SGO2: variants seen among roughly 807,000 people sequenced by gnomAD.
SGO2 encodes the protein shugoshin 2.
In SGO2, 68 loss-of-function variants were observed where a neutral mutation model predicts 99.5. The ratio of observed to expected loss-of-function variants is 0.68; its 90% CI spans 0.56 to 0.84. The LOEUF (loss-of-function observed/expected upper bound fraction) is 0.84. SGO2 is among the 40% of genes least tolerant of loss of function. The pLI, the probability that SGO2 is intolerant of heterozygous loss-of-function variation, is 0.00. For missense variants in SGO2, 1,350 were observed against 1,436.7 expected (o/e 0.94, Z 0.97); for synonymous variants, 457 against 487.1 (o/e 0.94, Z 0.81).
At chr2:200,560,570 T>G (rs2032900090) in intron 5 of SGO2, among the ~76,000 whole-genome samples, 1 of 152,162 alleles carries the variant, frequency 6.6e-6, no homozygotes, top group Non-Finnish European at 1.5e-5. Context: ...ATACAGTGAC[T>G]TCAGTGGATT....
intron 1 of SGO2, among the ~76,000 whole-genome samples, chr2:200,527,076 A>T (rs941808736): frequency 7.9e-5 from 12 of 152,194 alleles, no homozygotes; most frequent in Non-Finnish European, 1.8e-4. Context: ...ATAATGTCTC[A>T]GTGTCTATAT....
rs560233004 is a variant in SGO2, at chr2:200,546,336, G to A, written c.473+3672G>A. 1.1e-4 allele frequency among the ~76,000 whole-genome samples: 13 copies of A among 120,600 alleles called. No homozygotes were observed. The Admixed American group carries it at 1.3e-3, about 12-fold the overall frequency. The allele number at this position is 120,600 out of a possible 152,430, so 79.1% of individuals were successfully genotyped here. A position where few individuals can be genotyped will look rare whatever the true frequency, so the allele number is the denominator to read the frequency against. On this transcript the variant is annotated intron_variant, in intron 5 of 8. Transcript: ENST00000357799. ...CCACTGCACTCCAGCCTGGGCTATC[G>A]AGCGAGACTCCATCTGGAAAAAAAA...
chr2:200,541,953 TTC>T (rs1442114746), intron 4 of SGO2, among the ~76,000 whole-genome samples: 2 of 152,248 alleles, frequency 1.3e-5, no homozygotes, highest in African/African-American at 4.8e-5. Flanking sequence ...CCTAACTTTT[TTC>T]TTTTTCAAAG....
rs1451374500 is a variant in SGO2, at chr2:200,570,480, G to GTGTGTA, written c.704-565_704-564insATGTGT. ...AGAATTGTTTTTCCTTTCTGAAAAT[G>GTGTGTA]TGTGTGTGTGTGTGTGTGTGTGTGT... On this transcript the variant is annotated intron_variant, in intron 6 of 8. Coordinates refer to ENST00000357799, the MANE Select transcript of SGO2 (RefSeq NM_152524.6). This position sits in a 1 kb window ranked among gnomAD's most constrained non-coding sequence, Gnocchi z 4.4. 7.9e-4 allele frequency among the ~76,000 whole-genome samples: 107 copies of GTGTGTA among 135,360 alleles called. No homozygotes were observed. The highest frequency in any genetic ancestry group is 1.3e-3 in the Non-Finnish European group (86 of 64,788). 88.8% of individuals were successfully genotyped at this position (135,360 alleles called of 152,430 possible). A position where few individuals can be genotyped will look rare whatever the true frequency, so the allele number is the denominator to read the frequency against.
At chr2:200,528,433 T>C (rs1478597327) in intron 1 of SGO2, among the ~76,000 whole-genome samples, 1 of 152,150 alleles carries the variant, frequency 6.6e-6, no homozygotes, top group African/African-American at 2.4e-5. Context: ...GTCAGCATAA[T>C]TGATCATAGA....
intron 1 of SGO2, chr2:200,532,265 G>GTTTTTTTTTTTT (rs199785070): frequency 2.3e-6 from 1 of 443,800 alleles, no homozygotes; most frequent in African/African-American, 3.2e-5. Context: ...AGGTGACAGA[G>GTTTTTTTTTTTT]TTTTTTGTTT....
At chr2:200,577,407 T>C (rs1466282981) in intron 8 of SGO2, among the ~76,000 whole-genome samples, 3 of 152,196 alleles carry the variant, frequency 2.0e-5, no homozygotes, top group Non-Finnish European at 4.4e-5. Flanking sequence ...AAGTTAAACT[T>C]TATTTTGAAC....
At chr2:200,554,059 AG>A (rs1008050875) in intron 5 of SGO2, among the ~76,000 whole-genome samples, 3 of 152,184 alleles carry the variant, frequency 2.0e-5, no homozygotes, top group Non-Finnish European at 4.4e-5. Flanking sequence ...CTGTTGCAAA[AG>A]AAAACAGATT....
intron 5 of SGO2, among the ~76,000 whole-genome samples, chr2:200,565,890 T>C (rs1378715694): frequency 6.6e-6 from 1 of 152,258 alleles, no homozygotes; most frequent in Non-Finnish European, 1.5e-5. Context: ...CACATAGTTC[T>C]CATGCCATGG....
intron 1 of SGO2, among the ~76,000 whole-genome samples, chr2:200,528,405 A>G (rs1458395739): frequency 6.6e-6 from 1 of 152,244 alleles, no homozygotes; most frequent in Non-Finnish European, 1.5e-5. Flanking sequence ...GCCCAGGTGG[A>G]TATATTGTGA....
chr2:200,583,575 C>G lies in SGO2; in HGVS notation c.*111C>G. 3 of 947,356 alleles carry G rather than the reference C, an allele frequency of 3.2e-6. No homozygotes were observed. The highest frequency in any genetic ancestry group is 3.1e-6 in the Non-Finnish European group (2 of 651,270). The allele number at this position is 947,356 out of a possible 1,614,324, so 58.7% of individuals were successfully genotyped here. ...TAATGAAAAGGTTTTTTTTTTGTTTCTTTGGCCTTTCATGGAGTGTTGATT... is the reference window on the plus strand; with the variant it reads ...TAATGAAAAGGTTTTTTTTTTGTTTGTTTGGCCTTTCATGGAGTGTTGATT... On this transcript the variant is annotated 3_prime_UTR_variant, in exon 9 of 9. Transcript: ENST00000357799.
chr2:200,533,543 G>A (rs1280697175), intron 2 of SGO2, among the ~76,000 whole-genome samples: 7 of 148,596 alleles, frequency 4.7e-5, no homozygotes, highest in Admixed American at 4.0e-4. Context: ...GTGTGTGTGT[G>A]TGTGTATACA....
Position 200,569,879 on chromosome 2 carries a change from T to G in SGO2, c.690T>G (p.Asp230Glu), listed in dbSNP as rs2033334746. The change falls in exon 6 of 9, where the codon GAT becomes GAG. Residue 230 changes from aspartate to glutamate, a missense_variant. Asp to Glu is a conservative substitution (Grantham distance 45, BLOSUM62 2). Transcript: ENST00000357799. ...DDSEHISSIV[D>E]VPPRESHSHS... ...CAGAACATATTTCTTCTATAGTTGA[T>G]GTACCTCCCAGAGGTGAGATTGTTT... is the stretch of plus-strand genomic sequence containing the variant. 2.5e-6 allele frequency: 4 copies of G among 1,581,760 alleles called. No homozygotes were observed. The highest frequency in any genetic ancestry group is 3.5e-6 in the Non-Finnish European group (4 of 1,151,732).
Position 200,571,648 on chromosome 2 carries a change from AAGAT to A in SGO2, c.1303_1306del (p.Arg435LeufsTer25), listed in dbSNP as rs1413702298. On this transcript the variant is annotated frameshift_variant, in exon 7 of 9. Coordinates refer to ENST00000357799, the MANE Select transcript of SGO2 (RefSeq NM_152524.6). LOFTEE classifies it high-confidence loss of function. Reference sequence around the variant, plus strand: ...GGGAAAAGATTGAAAACAGGACAGAAAGATCTGATGTCCTGGATGGCAAAAGGGG... The same window carrying A: ...GGGAAAAGATTGAAAACAGGACAGAACTGATGTCCTGGATGGCAAAAGGGG... 1.2e-6 allele frequency: 2 copies of A among 1,613,426 alleles called. No individual in the cohort carries two copies. Among genetic ancestry groups the A allele is most frequent in the Non-Finnish European group, 1.7e-6 (2 of 1,179,690 alleles).
chr2:200,535,980 C>G, intron 3 of SGO2, 85 bp from the exon 4 acceptor site: 1 of 804,768 alleles, frequency 1.2e-6, no homozygotes, highest in Admixed American at 2.6e-5. Flanking sequence ...AGTTTTCTCA[C>G]ATGGATGGCA....
At chr2:200,527,842 T>A (rs1173524872) in intron 1 of SGO2, among the ~76,000 whole-genome samples, 1 of 152,184 alleles carries the variant, frequency 6.6e-6, no homozygotes, top group South Asian at 2.1e-4. Flanking sequence ...TCTTAGACAT[T>A]GATAAGTTAA....
At position 200,547,245 on chromosome 2, in the gene SGO2, A is replaced by G. The variant is rs181700009; in HGVS notation, c.473+4581A>G. 1.4e-4 allele frequency among the ~76,000 whole-genome samples: 21 copies of G among 152,318 alleles called. No homozygotes were observed. The East Asian group carries it at 3.9e-3, about 28-fold the overall frequency. On this transcript the variant is annotated intron_variant, in intron 5 of 8. Transcript: ENST00000357799. The stretch of plus-strand genomic sequence containing the variant: ...TTTTCAAGGCACTCAAACAACACCA[A>G]CGACAAAAAACTGACACCCAAGAAT...
At chr2:200,549,935 C>G (rs2032393667) in intron 5 of SGO2, among the ~76,000 whole-genome samples, 1 of 152,154 alleles carries the variant, frequency 6.6e-6, no homozygotes. Context: ...TCAAATTAGC[C>G]TTGTTTGCAG....
chr2:200,573,686 G>A lies in SGO2; in HGVS notation c.3340G>A (p.Asp1114Asn). The stretch of plus-strand genomic sequence containing the variant: ...AAAGTCTACTGTATCTGAACAAGCT[G>A]ATAAGGAAAACAATTTGGAGAATGA... Reference protein sequence around the residue: ...QGKSTVSEQADKENNLENEKM... With the variant: ...QGKSTVSEQANKENNLENEKM... The change falls in exon 7 of 9, where the codon GAT becomes AAT. Residue 1114 changes from aspartate (D) to asparagine (N), a missense_variant. Coordinates refer to ENST00000357799, the MANE Select transcript of SGO2 (RefSeq NM_152524.6). 1 of 1,613,254 alleles carries A rather than the reference G, an allele frequency of 6.2e-7. No homozygotes were observed. The highest frequency in any genetic ancestry group is 8.5e-7 in the Non-Finnish European group (1 of 1,179,524).
Sources: allele counts gnomAD v4.1 joint callset (sites outside exome capture counted in the v4.1 genomes callset), GRCh38; gene constraint gnomAD v4.1.1; non-coding constraint Gnocchi (gnomAD v3.1); transcripts MANE v1.5; gene names NCBI Gene and HGNC (gene_info 2026-07-23, HGNC 2026-07-21).